DCC: variants seen among roughly 807,000 people sequenced by gnomAD.
DCC encodes the protein DCC netrin 1 receptor, also known as netrin receptor DCC.
In DCC, 58 loss-of-function variants were observed where a neutral mutation model predicts 172.5. That is an observed-to-expected ratio of 0.34 (90% CI 0.27 to 0.42). DCC has a LOEUF of 0.42. Ranked by LOEUF, DCC falls within the 10% of genes least tolerant of loss-of-function variation. DCC has a pLI of 1.00. For missense variants in DCC, 1,740 were observed against 1,791.0 expected, an observed-to-expected ratio of 0.97 and a Z score of 0.51; for synonymous variants, 709 against 644.5, an observed-to-expected ratio of 1.10 and a Z score of -1.52.
At chr18:52,948,410 G>A (rs897975268) in intron 5 of DCC, among the ~76,000 whole-genome samples, 1 of 151,974 alleles carries the variant, frequency 6.6e-6, no homozygotes, top group Non-Finnish European at 1.5e-5. Context: ...CAATGATATT[G>A]AATAATGATC....
chr18:52,883,180 A>G lies in DCC; in HGVS notation c.413-22864A>G, dbSNP rs185619942. Among the ~76,000 whole-genome samples, 874 of 152,174 alleles carry G rather than the reference A, an allele frequency of 5.7e-3. 10 individuals are homozygous for G. The highest frequency in any genetic ancestry group is 0.02 in the African/African-American group (835 of 41,546). The stretch of plus-strand genomic sequence containing the variant: ...ATGTGGTTCTTGTGGGCAACAGATC[A>G]TTGGGTCTCATGTTTTAATCTATTA... On this transcript the variant is annotated intron_variant, in intron 2 of 28. Transcript: ENST00000442544.
intron 5 of DCC, among the ~76,000 whole-genome samples, chr18:53,040,720 C>T (rs1429925805): frequency 6.6e-6 from 1 of 151,826 alleles, no homozygotes; most frequent in African/African-American, 2.4e-5. Flanking sequence ...GTAATAAGTA[C>T]TTGAGTAGCT....
intron 2 of DCC, among the ~76,000 whole-genome samples, chr18:52,810,451 C>A (rs2038174434): frequency 6.6e-6 from 1 of 152,138 alleles, no homozygotes; most frequent in African/African-American, 2.4e-5. Context: ...TTGTACCATG[C>A]CCAAGAACAA....
intron 27 of DCC, among the ~76,000 whole-genome samples, chr18:53,510,783 A>G (rs946272589): frequency 6.6e-6 from 1 of 152,066 alleles, no homozygotes; most frequent in Non-Finnish European, 1.5e-5. Flanking sequence ...GAATATGCTG[A>G]TTTACTCCTA....
chr18:53,396,320 T>C (rs1908941234), intron 17 of DCC, among the ~76,000 whole-genome samples: 1 of 152,190 alleles, frequency 6.6e-6, no homozygotes, highest in African/African-American at 2.4e-5. Context: ...TTTGCTTATA[T>C]GGAAAATATA....
chr18:53,067,083 A>C (rs2042582220), intron 7 of DCC, among the ~76,000 whole-genome samples: 1 of 152,194 alleles, frequency 6.6e-6, no homozygotes, highest in Admixed American at 6.5e-5. Context: ...TGGGGATTGC[A>C]ATTAGACATG....
At chr18:53,113,330 C>T (rs751331783) in intron 7 of DCC, among the ~76,000 whole-genome samples, 1 of 151,140 alleles carries the variant, frequency 6.6e-6, no homozygotes. Flanking sequence ...TTTATTAATT[C>T]GATTTCAATA....
At chr18:53,384,562 A>G (rs543197627) in intron 15 of DCC, among the ~76,000 whole-genome samples, 2 of 151,880 alleles carry the variant, frequency 1.3e-5, no homozygotes, top group South Asian at 4.2e-4. Context: ...TTTGACTTGT[A>G]TTCATCTAGT....
At chr18:53,044,982 A>G (rs559889314) in intron 5 of DCC, among the ~76,000 whole-genome samples, 2 of 152,008 alleles carry the variant, frequency 1.3e-5, no homozygotes, top group Admixed American at 6.6e-5. Flanking sequence ...TGTTTGACAT[A>G]TGAACAGATA....
At chr18:52,427,289 A>C (rs1014503820) in intron 1 of DCC, among the ~76,000 whole-genome samples, 3 of 152,136 alleles carry the variant, frequency 2.0e-5, no homozygotes, top group African/African-American at 4.8e-5. Flanking sequence ...ATGTTCGTTA[A>C]GATCAATATA....
intron 1 of DCC, among the ~76,000 whole-genome samples, chr18:52,571,684 G>T (rs539609957): frequency 2.0e-5 from 3 of 152,242 alleles, no homozygotes; most frequent in East Asian, 3.9e-4. Flanking sequence ...ACAGGTCAAG[G>T]CTGCTGAGAC....
chr18:52,673,701 G>A (rs978631192), intron 1 of DCC, among the ~76,000 whole-genome samples: 4 of 152,168 alleles, frequency 2.6e-5, no homozygotes, highest in Admixed American at 2.6e-4. Context: ...AAAGAAGAAA[G>A]GATAGATAAA....
chr18:53,194,042 C>T (rs982334290), intron 9 of DCC, among the ~76,000 whole-genome samples: 1 of 152,078 alleles, frequency 6.6e-6, no homozygotes, highest in African/African-American at 2.4e-5. Flanking sequence ...TAATACAAGC[C>T]AATTTTGAGA....
At chr18:53,077,749 G>A (rs1334124794) in intron 7 of DCC, among the ~76,000 whole-genome samples, 1 of 152,168 alleles carries the variant, frequency 6.6e-6, no homozygotes, top group Non-Finnish European at 1.5e-5. Context: ...GTTATAATGG[G>A]TCTGTCTACC....
intron 19 of DCC, among the ~76,000 whole-genome samples, chr18:53,409,083 T>C (rs1409299901): frequency 6.6e-6 from 1 of 152,166 alleles, no homozygotes; most frequent in Non-Finnish European, 1.5e-5. Context: ...AGGCCAGATA[T>C]ACCTTAAAGT....
chr18:52,870,194 G>A (rs2039297267), intron 2 of DCC, among the ~76,000 whole-genome samples: 1 of 152,196 alleles, frequency 6.6e-6, no homozygotes, highest in Non-Finnish European at 1.5e-5. Context: ...CTCCCTGCAG[G>A]TGGTGGGCAA....
intron 8 of DCC, among the ~76,000 whole-genome samples, chr18:53,166,556 C>T (rs545640565): frequency 1.1e-3 from 166 of 152,270 alleles, no homozygotes; most frequent in Non-Finnish European, 1.9e-3. Context: ...AAATCAAAAT[C>T]TGTTTCACCC....
chr18:53,118,437 G>C (rs2043437852), intron 7 of DCC, among the ~76,000 whole-genome samples: 1 of 151,610 alleles, frequency 6.6e-6, no homozygotes, highest in African/African-American at 2.4e-5. Flanking sequence ...TGTCATTCTT[G>C]GCTTTTACGA....
At chr18:52,960,069 T>C (rs2040817169) in intron 5 of DCC, among the ~76,000 whole-genome samples, 1 of 152,102 alleles carries the variant, frequency 6.6e-6, no homozygotes, top group Non-Finnish European at 1.5e-5. Context: ...TAAGTAGGCT[T>C]GGAGATACAC....
Sources: allele counts gnomAD v4.1 joint callset (sites outside exome capture counted in the v4.1 genomes callset), GRCh38; gene constraint gnomAD v4.1.1; transcripts MANE v1.5; gene names NCBI Gene and HGNC (gene_info 2026-07-23, HGNC 2026-07-21).